ADGRF1: variants seen among roughly 807,000 people sequenced by gnomAD.
ADGRF1 encodes the protein adhesion G protein-coupled receptor F1.
Under a neutral mutation model 87.2 loss-of-function variants are expected in ADGRF1, and 85 were observed. That is an observed-to-expected ratio of 0.97 (90% CI 0.82 to 1.17). The LOEUF is 1.17. Ranked by LOEUF, ADGRF1 falls within the 50% of genes most tolerant of loss-of-function variation. The pLI, the probability that ADGRF1 is intolerant of heterozygous loss-of-function variation, is 0.00. For missense variants in ADGRF1, 1,169 were observed against 1,077.2 expected, an observed-to-expected ratio of 1.09 and a Z score of -1.19; for synonymous variants, 430 against 408.8, an observed-to-expected ratio of 1.05 and a Z score of -0.63.
At position 47,020,780 on chromosome 6, in the gene ADGRF1, C is replaced by T. The variant is rs1270809322; in HGVS notation, c.562G>A (p.Ala188Thr). Reference protein sequence around the residue: ...ANGIEIQLKKAYERIQGFESV... With the variant: ...ANGIEIQLKKTYERIQGFESV... ...TCAAAACCTTGAATTCTTTCATATGCTTTTTTAAGCTTAGAAAGAGAACAA... is the reference window on the plus strand; with the variant it reads ...TCAAAACCTTGAATTCTTTCATATGTTTTTTTAAGCTTAGAAAGAGAACAA... Residue 188 changes from alanine (A) to threonine (T), a missense_variant, in exon 7 of 15, where the codon GCA (alanine) becomes ACA (threonine). Transcript: ENST00000371253. The T allele has an allele frequency of 1.2e-6, 2 of 1,613,422 alleles. No individual in the cohort carries two copies. Among genetic ancestry groups the T allele is most frequent in the East Asian group, 2.2e-5 (1 of 44,858 alleles).
At chr6:47,029,751 T>G (rs1780353873) in intron 1 of ADGRF1, among the ~76,000 whole-genome samples, 1 of 152,254 alleles carries the variant, frequency 6.6e-6, no homozygotes, top group Non-Finnish European at 1.5e-5. Context: ...CATGTGTGGC[T>G]ATCTAAATTT....
intron 13 of ADGRF1, 24 bp downstream of exon 13, chr6:47,005,793 T>A (rs200686707): frequency 1.9e-6 from 3 of 1,580,014 alleles, no homozygotes; most frequent in Admixed American, 3.4e-5. Flanking sequence ...ATGTATTGGA[T>A]TCATGGCAGT....
intron 9 of ADGRF1, 102 bp from the exon 10 acceptor site, chr6:47,012,297 G>A: frequency 6.6e-7 from 1 of 1,506,456 alleles, no homozygotes; most frequent in Non-Finnish European, 8.9e-7. Context: ...TTTGTATGGT[G>A]TGTTCTAATG....
chr6:47,004,805 G>A (rs1779470463), intron 13 of ADGRF1, among the ~76,000 whole-genome samples: 3 of 152,146 alleles, frequency 2.0e-5, no homozygotes, highest in African/African-American at 7.2e-5. Flanking sequence ...CTACAGTTGA[G>A]AAAATTAAAA....
intron 9 of ADGRF1, chr6:47,013,117 T>C: frequency 1.0e-6 from 1 of 985,440 alleles, no homozygotes; most frequent in Non-Finnish European, 1.2e-6. Flanking sequence ...CATCTACTTT[T>C]ACTACACCAG....
chr6:47,039,062 T>C (rs1028265153), intron 1 of ADGRF1, among the ~76,000 whole-genome samples: 21 of 152,192 alleles, frequency 1.4e-4, no homozygotes, highest in African/African-American at 4.8e-4. Flanking sequence ...TTCACAAATG[T>C]ATAATAAATA....
Position 47,021,988 on chromosome 6 carries a change from G to A in ADGRF1, c.522C>T (p.Tyr174=), listed in dbSNP as rs772600592. The part of the protein sequence containing the change: ...NDLLNSSSAI[Y]SKYANGIEIQ... The stretch of plus-strand genomic sequence containing the variant: ...TTTCAATTCCATTTGCATATTTGGA[G>A]TATATAGCAGAAGATGAATTCAAAA... The change falls in exon 6 of 15, where the codon TAC becomes TAT. Residue 174 remains tyrosine, a synonymous_variant. Transcript: ENST00000371253. The A allele has an allele frequency of 1.1e-5, 18 of 1,588,036 alleles. No individual in the cohort carries two copies. The highest frequency in any genetic ancestry group is 1.5e-5 in the Non-Finnish European group (17 of 1,166,544).
intron 4 of ADGRF1, among the ~76,000 whole-genome samples, chr6:47,025,568 T>C (rs2113899147): frequency 6.6e-6 from 1 of 152,298 alleles, no homozygotes. Context: ...ACTTCTGAGT[T>C]AGAGAATTTA....
intron 7 of ADGRF1, chr6:47,019,724 TC>T: frequency 1.0e-6 from 1 of 968,862 alleles, no homozygotes; most frequent in Non-Finnish European, 1.2e-6. Context: ...AGAGAAAATG[TC>T]CTATGGGTGT....
At chr6:47,011,206 T>C (rs1338131764) in intron 10 of ADGRF1, among the ~76,000 whole-genome samples, 1 of 152,208 alleles carries the variant, frequency 6.6e-6, no homozygotes, top group African/African-American at 2.4e-5. Context: ...TGTGGTCAGG[T>C]TTTTAAAAAA....
At chr6:47,038,643 G>A (rs1780658011) in intron 1 of ADGRF1, among the ~76,000 whole-genome samples, 1 of 152,106 alleles carries the variant, frequency 6.6e-6, no homozygotes, top group Non-Finnish European at 1.5e-5. Context: ...TTATTGTTAA[G>A]TATAATCATT....
At position 47,009,295 on chromosome 6, in the gene ADGRF1, A is replaced by G; in HGVS notation, c.2140T>C (p.Ser714Pro). 1.2e-6 allele frequency: 2 copies of G among 1,614,186 alleles called. No individual in the cohort carries two copies. The highest frequency in any genetic ancestry group is 1.3e-5 in the African/African-American group (1 of 75,056). Residue 714 changes from serine (S) to proline (P), a missense_variant, in exon 11 of 15, where the codon TCT becomes CCT. Coordinates refer to ENST00000371253, the MANE Select transcript of ADGRF1 (RefSeq NM_153840.4). ...CLGYGCPLIISVITIAVTQPS... is the reference protein window; with the variant it reads ...CLGYGCPLIIPVITIAVTQPS... ...TGCGTGACAGCAATGGTAATGACAG[A>G]TATAATGAGAGGGCACCCATAACCC...
chr6:47,013,964 C>T (rs1779785141), intron 9 of ADGRF1: 1 of 154,102 alleles, frequency 6.5e-6, no homozygotes, highest in Admixed American at 6.6e-5. Context: ...TTGTAAGTTT[C>T]CTGAGGCCTC....
rs1018320594 is a variant in ADGRF1 at position 47,013,568 on chromosome 6, C to G, written c.927+1113G>C. On this transcript the variant is annotated intron_variant, in intron 9 of 14. Transcript: ENST00000371253. ...GTCCTTCTTTTCTGTGACTTGAGTTCTTCTGATTCCTAGATATTTATTTCC... is the reference window on the plus strand; with the variant it reads ...GTCCTTCTTTTCTGTGACTTGAGTTGTTCTGATTCCTAGATATTTATTTCC... The G allele has an allele frequency of 1.9e-4, 190 of 985,496 alleles. No homozygotes were observed. In the Middle Eastern group the frequency reaches 2.6e-3, roughly 14 times the overall value. 61.0% of individuals were successfully genotyped at this position (985,496 alleles called of 1,614,324 possible). A position where few individuals can be genotyped will look rare whatever the true frequency, so the allele number is the denominator to read the frequency against.
In ADGRF1 at chr6:47,027,780, A is replaced by G. The variant is rs745751735; in HGVS notation, c.70-19T>C. On this transcript the variant is annotated intron_variant, in intron 2 of 14. Coordinates refer to ENST00000371253, the MANE Select transcript of ADGRF1 (RefSeq NM_153840.4). ...CATTTTTCTGTTAAAAAGAAAAAAA[A>G]TAGTTACGGTGAGACTTTGAAGAGT... The G allele has an allele frequency of 1.5e-5, 21 of 1,389,768 alleles. No individual in the cohort carries two copies. The highest frequency in any genetic ancestry group is 2.2e-5 in the Non-Finnish European group (21 of 976,684). The allele number at this position is 1,389,768 out of a possible 1,614,324, so 86.1% of individuals were successfully genotyped here.
At chr6:47,026,124 T>C in intron 3 of ADGRF1, 121 bp from the exon 4 acceptor site, 1 of 775,198 alleles carries the variant, frequency 1.3e-6, no homozygotes, top group Non-Finnish European at 2.0e-6. Flanking sequence ...TGCTTGTTCC[T>C]GAGTTCCTCT....
intron 11 of ADGRF1, among the ~76,000 whole-genome samples, chr6:47,007,568 C>T (rs1028171912): frequency 3.9e-5 from 6 of 152,230 alleles, no homozygotes; most frequent in East Asian, 1.9e-4. Flanking sequence ...TTCTCCCCAT[C>T]GTACCATCCC....
chr6:47,009,136 T>A lies in ADGRF1; in HGVS notation c.2299A>T (p.Thr767Ser). 7 of 1,614,052 alleles carry A rather than the reference T, an allele frequency of 4.3e-6. No homozygotes were observed. Among genetic ancestry groups the A allele is most frequent in the Non-Finnish European group, 5.9e-6 (7 of 1,180,004 alleles). ...CCAACAGTCGGCCTCCAGAGCTTTG[T>A]GAGAACTAGCAGCACCACAACGAAG... The part of the protein sequence containing the change: ...VNFVVVLLVL[T>S]KLWRPTVGER... Residue 767 changes from threonine (T) to serine (S), a missense_variant, in exon 11 of 15, where the codon ACA becomes TCA. Physicochemically the swap from Thr to Ser is moderately conservative, Grantham distance 58 (BLOSUM62 1). Coordinates refer to ENST00000371253, the MANE Select transcript of ADGRF1 (RefSeq NM_153840.4).
intron 1 of ADGRF1, among the ~76,000 whole-genome samples, chr6:47,039,293 G>A (rs1780671932): frequency 6.6e-6 from 1 of 152,196 alleles, no homozygotes; most frequent in Non-Finnish European, 1.5e-5. Context: ...GCAGTTTTAG[G>A]ACTGCATACC....
Sources: gnomAD v4.1 joint callset for allele counts (sites outside exome capture counted in the v4.1 genomes callset) on GRCh38, gnomAD v4.1.1 for gene constraint, MANE v1.5 for transcripts, NCBI Gene and HGNC (gene_info 2026-07-23, HGNC 2026-07-21) for gene names.